The following FRYL variants were observed in gnomAD, a reference collection of about 807,000 sequenced individuals.
FRYL encodes protein furry homolog-like.
Under a neutral mutation model 351.2 loss-of-function variants are expected in FRYL, and 150 were observed. The observed-to-expected ratio is 0.43, with a 90% CI of 0.37 to 0.49. The LOEUF is 0.49. Among genes scored for constraint, FRYL ranks in the 20% least tolerant of loss-of-function variants. The pLI, the probability that FRYL is intolerant of heterozygous loss-of-function variation, is 0.00. For synonymous variants in FRYL, 1,153 were observed against 1,257.1 expected (o/e 0.92, Z 1.75); for missense variants, 3,036 against 3,619.3 (o/e 0.84, Z 4.13).
intron 25 of FRYL, among the ~76,000 whole-genome samples, chr4:48,574,685 C>T (rs1174215744): frequency 6.6e-6 from 1 of 152,118 alleles, no homozygotes; most frequent in East Asian, 1.9e-4. Flanking sequence ...ATATAAAAAA[C>T]ATCACGAATG....
Position 48,549,101 on chromosome 4 carries a change from T to C in FRYL, c.4785-308A>G, listed in dbSNP as rs1732105478. ...AATACATGTTTGGTGCATTAATACA[T>C]TTTGAAAGAATGCAGTAATTGCTCT... On this transcript the variant is annotated intron_variant, in intron 39 of 63. Coordinates refer to ENST00000358350, the MANE Select transcript of FRYL (RefSeq NM_015030.2). This position sits in a 1 kb window ranked among gnomAD's most constrained non-coding sequence, Gnocchi z 4.2. Among the ~76,000 whole-genome samples the C allele has an allele frequency of 6.6e-6, 1 of 152,156 alleles. No individual in the cohort carries two copies. The highest frequency in any genetic ancestry group is 1.9e-4 in the East Asian group (1 of 5,192).
chr4:48,527,860 G>T, intron 52 of FRYL, 111 bp downstream of exon 52: 1 of 1,026,426 alleles, frequency 9.7e-7, no homozygotes, highest in Non-Finnish European at 1.4e-6. Context: ...TTCATTCTGA[G>T]TTAATACCGT....
chr4:48,619,463 C>T (rs1231883858), intron 6 of FRYL, 93 bp from the exon 7 acceptor site: 2 of 644,032 alleles, frequency 3.1e-6, no homozygotes, highest in Non-Finnish European at 5.2e-6. Context: ...TGTTTTCCTA[C>T]TATGTAAAAT....
chr4:48,603,146 C>T (rs1464438856), intron 12 of FRYL, 144 bp downstream of exon 12: 3 of 648,970 alleles, frequency 4.6e-6, no homozygotes, highest in East Asian at 5.6e-5. Flanking sequence ...GCAAAACATA[C>T]GTATGTAAAA....
At chr4:48,638,397 T>G (rs1754675012) in intron 3 of FRYL, 1 of 151,930 alleles carries the variant, frequency 6.6e-6, no homozygotes, top group African/African-American at 2.4e-5. Context: ...ATCTGTGACT[T>G]TACAATGAGA....
chr4:48,629,725 T>C (rs546971210), intron 4 of FRYL, among the ~76,000 whole-genome samples: 2 of 152,182 alleles, frequency 1.3e-5, no homozygotes, highest in East Asian at 3.9e-4. Flanking sequence ...GTGAGTGAGC[T>C]TGACCCACAG....
chr4:48,628,877 T>C (rs1198846424), intron 4 of FRYL, among the ~76,000 whole-genome samples: 1 of 151,876 alleles, frequency 6.6e-6, no homozygotes, highest in Admixed American at 6.6e-5. Flanking sequence ...AGGTGCTACA[T>C]AGATGGATAA....
chr4:48,536,532 G>A (rs886298545), intron 47 of FRYL, among the ~76,000 whole-genome samples: 5 of 152,124 alleles, frequency 3.3e-5, no homozygotes, highest in Non-Finnish European at 7.4e-5. Flanking sequence ...TGTTTGGGGG[G>A]AATTTTACTG....
chr4:48,557,304 G>A, intron 34 of FRYL, 149 bp downstream of exon 34: 8 of 1,210,612 alleles, frequency 6.6e-6, no homozygotes, highest in Non-Finnish European at 7.9e-6. Context: ...TATGGTTTTA[G>A]TAAAAAAAAT....
At chr4:48,520,964 C>A in intron 55 of FRYL, 84 bp downstream of exon 55, 1 of 995,898 alleles carries the variant, frequency 1.0e-6, no homozygotes, top group Non-Finnish European at 1.4e-6. Flanking sequence ...AACTTCAAAA[C>A]TTTTTTGAAA....
chr4:48,708,778 G>C (rs1468519295), intron 2 of FRYL, among the ~76,000 whole-genome samples: 2 of 152,110 alleles, frequency 1.3e-5, no homozygotes, highest in Non-Finnish European at 1.5e-5. Flanking sequence ...ATTTTCTGTA[G>C]AGATGGGGTC....
intron 38 of FRYL, chr4:48,550,388 GA>G (rs1732435162): frequency 1.9e-6 from 1 of 539,776 alleles, no homozygotes; most frequent in Non-Finnish European, 3.3e-6. Flanking sequence ...TTATCTATAG[GA>G]AACCAGTGCT....
At chr4:48,645,448 A>G (rs1409134599) in intron 3 of FRYL, among the ~76,000 whole-genome samples, 1 of 152,130 alleles carries the variant, frequency 6.6e-6, no homozygotes, top group East Asian at 1.9e-4. Context: ...TCCACTTGGC[A>G]TATTTCTCAC....
intron 1 of FRYL, among the ~76,000 whole-genome samples, chr4:48,763,392 T>C (rs1161152323): frequency 4.0e-5 from 6 of 151,292 alleles, no homozygotes; most frequent in African/African-American, 1.5e-4. Context: ...ATCCCAGGAG[T>C]TCCAGGCTGC....
intron 3 of FRYL, among the ~76,000 whole-genome samples, chr4:48,682,030 T>C (rs1445991029): frequency 1.3e-5 from 2 of 152,072 alleles, no homozygotes; most frequent in Non-Finnish European, 2.9e-5. Flanking sequence ...TCTTGTGGGG[T>C]TGTTAAGTGA....
At chr4:48,555,104 T>C (rs1733787251) in intron 35 of FRYL, among the ~76,000 whole-genome samples, 1 of 152,206 alleles carries the variant, frequency 6.6e-6, no homozygotes, top group Admixed American at 6.5e-5. Flanking sequence ...TAAAAAATAA[T>C]AACCAATAAA....
chr4:48,566,489 A>T (rs1332944006), intron 28 of FRYL, among the ~76,000 whole-genome samples: 4 of 152,220 alleles, frequency 2.6e-5, no homozygotes, highest in African/African-American at 9.6e-5. Context: ...TTTCGAAAAA[A>T]ATATGCTCTT....
rs1457167525 is a variant in FRYL at position 48,649,495 on chromosome 4, A to G, written c.-80-15005T>C. Among the ~76,000 whole-genome samples the G allele has an allele frequency of 2.0e-5, 3 of 152,250 alleles. No homozygotes were observed. In the East Asian group the frequency reaches 5.8e-4, roughly 29 times the overall value. ...TTAATATGCTTACAAGAGGTATTAT[A>G]TGGACAGCAAATGCATCTGTGATCT... On this transcript the variant is annotated intron_variant, in intron 3 of 63. Coordinates refer to ENST00000358350, the MANE Select transcript of FRYL (RefSeq NM_015030.2).
chr4:48,606,596 C>T lies in FRYL; in HGVS notation c.583G>A (p.Val195Ile), dbSNP rs1489649891. ...AATTCTGTCACAAACTTCTTCCTTA[C>T]AGCCTGAAACCTTTAATATACGTGG... is the stretch of plus-strand genomic sequence containing the variant. ...GVLAQSKFQA[V>I]RKKFVTELKE... The change falls in exon 10 of 64, where the codon GTA (valine) becomes ATA (isoleucine). Residue 195 changes from valine (V) to isoleucine (I), a missense_variant. Transcript: ENST00000358350. The T allele has an allele frequency of 3.1e-6, 5 of 1,608,636 alleles. No individual in the cohort carries two copies. In the African/African-American group the frequency reaches 5.4e-5, roughly 17 times the overall value.
Sources: allele counts gnomAD v4.1 joint callset (sites outside exome capture counted in the v4.1 genomes callset), GRCh38; gene constraint gnomAD v4.1.1; non-coding constraint Gnocchi (gnomAD v3.1); transcripts MANE v1.5; gene names NCBI Gene and HGNC (gene_info 2026-07-23, HGNC 2026-07-21).